CYP3A5: variants seen among roughly 807,000 people sequenced by gnomAD.
CYP3A5 encodes the protein cytochrome P450 family 3 subfamily A member 5, also known as cytochrome P450 3A5.
Under a neutral mutation model 55.9 loss-of-function variants are expected in CYP3A5, and 51 were observed. That is an observed-to-expected ratio of 0.91 (90% CI 0.73 to 1.15). CYP3A5 has a LOEUF of 1.15. Ranked by LOEUF, CYP3A5 falls within the 50% of genes most tolerant of loss-of-function variation. CYP3A5 has a pLI of 0.00. For synonymous variants in CYP3A5, 196 were observed against 213.9 expected (o/e 0.92, Z 0.73); for missense variants, 533 against 596.6 (o/e 0.89, Z 1.11).
intron 11 of CYP3A5, among the ~76,000 whole-genome samples, chr7:99,650,854 A>G (rs1809112483): frequency 6.6e-6 from 1 of 152,150 alleles, no homozygotes; most frequent in Admixed American, 6.5e-5. Context: ...TTACATGGGC[A>G]TATGATGCTA....
intron 2 of CYP3A5, among the ~76,000 whole-genome samples, chr7:99,675,310 A>AAAGAAG (rs1277205874): frequency 2.0e-5 from 3 of 152,206 alleles, no homozygotes; most frequent in Admixed American, 2.0e-4. Context: ...TAACCATGCA[A>AAAGAAG]AAGAAGGTCC....
intron 11 of CYP3A5, 25 bp from the exon 12 acceptor site, chr7:99,650,257 T>C: frequency 6.2e-7 from 1 of 1,606,292 alleles, no homozygotes; most frequent in Non-Finnish European, 8.5e-7. Flanking sequence ...GTAGATTAAA[T>C]AGTTAATGAA....
At chr7:99,672,963 G>T in intron 3 of CYP3A5, 2 of 1,121,440 alleles carry the variant, frequency 1.8e-6, no homozygotes, top group Non-Finnish European at 2.2e-6. Flanking sequence ...AGAAATGACA[G>T]TAGAGCATTC....
intron 4 of CYP3A5, 44 bp from the exon 5 acceptor site, chr7:99,667,109 AT>A (rs1434693200): frequency 6.4e-7 from 1 of 1,557,296 alleles, no homozygotes; most frequent in Non-Finnish European, 8.8e-7. Context: ...AGTTGTGGTG[AT>A]CTTCATGGTT....
intron 6 of CYP3A5, among the ~76,000 whole-genome samples, chr7:99,665,522 A>G (rs1195981668): frequency 6.6e-6 from 1 of 152,216 alleles, no homozygotes; most frequent in Non-Finnish European, 1.5e-5. Context: ...GGGGTGATGG[A>G]GACACCAAGC....
rs1477479886 is a variant in CYP3A5, at chr7:99,653,826, G to A, written c.1027-1047C>T. 1.3e-5 allele frequency among the ~76,000 whole-genome samples: 2 copies of A among 152,220 alleles called. No homozygotes were observed. Among genetic ancestry groups the A allele is most frequent in the African/African-American group, 4.8e-5 (2 of 41,450 alleles). On this transcript the variant is annotated intron_variant, in intron 10 of 12. Transcript: ENST00000222982. The surrounding 1 kb of genome is among the most constrained non-coding windows in gnomAD (Gnocchi z 4.2). The stretch of plus-strand genomic sequence containing the variant: ...ACCTAGCACTTGGTGTTATATTTGG[G>A]AGGCAGTATTGTAGAGGGTTAGAGT...
rs193112451 is a variant in CYP3A5, at chr7:99,670,732, C to T, written c.318+1848G>A. Among the ~76,000 whole-genome samples, 212 of 152,288 alleles carry T rather than the reference C, an allele frequency of 1.4e-3. 2 individuals carry two copies. The highest frequency in any genetic ancestry group is 2.1e-3 in the Non-Finnish European group (143 of 68,010). ...TGTCATTGCTTTTTGGCAGCACTTA[C>T]ATTTGTGAGCTACTATTTTCAAGGA... On this transcript the variant is annotated intron_variant, in intron 4 of 12. Transcript: ENST00000222982.
At chr7:99,650,441 A>G (rs1290734574) in intron 11 of CYP3A5, among the ~76,000 whole-genome samples, 1 of 152,202 alleles carries the variant, frequency 6.6e-6, no homozygotes, top group Non-Finnish European at 1.5e-5. Flanking sequence ...CATACCCTAT[A>G]GGAGCGTTTC....
chr7:99,663,328 T>G, intron 8 of CYP3A5: 3 of 995,186 alleles, frequency 3.0e-6, no homozygotes, highest in Non-Finnish European at 3.6e-6. Flanking sequence ...TTTTCAAATA[T>G]TCCAACATTC....
intron 4 of CYP3A5, among the ~76,000 whole-genome samples, chr7:99,669,012 T>C (rs1811314586): frequency 1.3e-5 from 2 of 152,266 alleles, no homozygotes; most frequent in South Asian, 4.1e-4. Flanking sequence ...TAAACCTTGC[T>C]TTCTGTTCTA....
At chr7:99,667,092 T>A in intron 4 of CYP3A5, 27 bp from the exon 5 acceptor site, 1 of 1,592,964 alleles carries the variant, frequency 6.3e-7, no homozygotes, top group African/African-American at 1.3e-5. Flanking sequence ...ACATTTTTTC[T>A]CACATTAGTT....
chr7:99,672,891 A>G, intron 3 of CYP3A5: 1 of 1,374,518 alleles, frequency 7.3e-7, no homozygotes, highest in Non-Finnish European at 9.4e-7. Context: ...ATGAAGGGTA[A>G]TGTGGTCCAA....
intron 4 of CYP3A5, among the ~76,000 whole-genome samples, chr7:99,669,287 G>A (rs960667990): frequency 2.2e-4 from 33 of 152,268 alleles, no homozygotes; most frequent in Admixed American, 8.5e-4. Flanking sequence ...ATGCAAAAAC[G>A]TGCTGACAAA....
intron 9 of CYP3A5, among the ~76,000 whole-genome samples, chr7:99,661,277 C>T (rs974125406): frequency 1.3e-5 from 2 of 152,188 alleles, no homozygotes; most frequent in African/African-American, 4.8e-5. Flanking sequence ...ACCCCACCAT[C>T]GAACTACTGA....
At position 99,650,129 on chromosome 7, in the gene CYP3A5, G is replaced by A; in HGVS notation, c.1357C>T (p.Leu453Phe). The change falls in exon 12 of 13, where the codon CTT becomes TTT. Residue 453 changes from leucine (L) to phenylalanine (F), a missense_variant. Physicochemically the swap from Leu to Phe is conservative, Grantham distance 22. Transcript: ENST00000222982. Reference sequence around the variant, plus strand: ...TTCTGAAGGACTCTGATTAGAGCAAGTTTCATGTTCATGAGAGCAAACCTC... The same window carrying A: ...TTCTGAAGGACTCTGATTAGAGCAAATTTCATGTTCATGAGAGCAAACCTC... ...GMRFALMNMK[L>F]ALIRVLQNFS... The A allele has an allele frequency of 1.2e-6, 2 of 1,614,144 alleles. No homozygotes were observed. The highest frequency in any genetic ancestry group is 1.1e-5 in the South Asian group (1 of 91,080).
chr7:99,667,935 A>G (rs538772640), intron 4 of CYP3A5, among the ~76,000 whole-genome samples: 10 of 152,336 alleles, frequency 6.6e-5, no homozygotes, highest in Non-Finnish European at 1.0e-4. Context: ...CTGATGTCTT[A>G]ATACACTAGA....
chr7:99,679,948 G>A lies in CYP3A5; in HGVS notation c.-52C>T. 1 of 1,496,760 alleles carries A rather than the reference G, an allele frequency of 6.7e-7. No homozygotes were observed. The highest frequency in any genetic ancestry group is 9.3e-7 in the Non-Finnish European group (1 of 1,073,244). The allele number at this position is 1,496,760 out of a possible 1,614,324, so 92.7% of individuals were successfully genotyped here. ...CTGTGAGTCTTCCTTTTAGCTGAGTGCTGCTGTTTGCTGGGCTGTTTGCCT... is the reference window on the plus strand; with the variant it reads ...CTGTGAGTCTTCCTTTTAGCTGAGTACTGCTGTTTGCTGGGCTGTTTGCCT... On this transcript the variant is annotated 5_prime_UTR_variant, in exon 1 of 13. Coordinates refer to ENST00000222982, the MANE Select transcript of CYP3A5 (RefSeq NM_000777.5).
In CYP3A5 at chr7:99,652,745, T is replaced by TC. The variant is rs779671620; in HGVS notation, c.1060dup (p.Glu354GlyfsTer4). 1 of 1,614,008 alleles carries TC rather than the reference T, an allele frequency of 6.2e-7. No individual in the cohort carries two copies. The highest frequency in any genetic ancestry group is 8.5e-7 in the Non-Finnish European group (1 of 1,179,964). On this transcript the variant is annotated frameshift_variant, in exon 11 of 13. Transcript: ENST00000222982. LOFTEE classifies it high-confidence loss of function. ...TTCATTCACCACCATGTCAAGGTAC[T>TC]CCATCTGTACCACGGCATCATAGGT...
chr7:99,666,624 T>C lies in CYP3A5; in HGVS notation c.498A>G (p.Lys166=). The change falls in exon 6 of 13, where the codon AAA becomes AAG. Residue 166 remains lysine, a synonymous_variant. Coordinates refer to ENST00000222982, the MANE Select transcript of CYP3A5 (RefSeq NM_000777.5). ...LVRNLRREAE[K]GKPVTLKDIF... is the part of the protein sequence containing the mutation. The stretch of plus-strand genomic sequence containing the variant: ...ACTCTTTCAAGGTGACAGGCTTGCC[T>C]TTCTCTGCTTCCCGCCTCAAGTTTC... 6 of 1,613,904 alleles carry C rather than the reference T, an allele frequency of 3.7e-6. No individual in the cohort carries two copies. Among genetic ancestry groups the C allele is most frequent in the Non-Finnish European group, 5.1e-6 (6 of 1,179,818 alleles).
Sources: gnomAD v4.1 joint callset for allele counts (sites outside exome capture counted in the v4.1 genomes callset) on GRCh38, gnomAD v4.1.1 for gene constraint, Gnocchi (gnomAD v3.1) non-coding constraint, MANE v1.5 for transcripts, NCBI Gene and HGNC (gene_info 2026-07-23, HGNC 2026-07-21) for gene names.